The following ESR1 variants were observed in gnomAD, a reference collection of about 807,000 sequenced individuals.
ESR1 encodes estrogen receptor.
A neutral mutation model predicts 52.7 loss-of-function variants in ESR1; 12 were observed. The observed-to-expected ratio is 0.23, with a 90% confidence interval of 0.15 to 0.37. The LOEUF (loss-of-function observed/expected upper bound fraction) is 0.37. Ranked by LOEUF, ESR1 falls within the 10% of genes least tolerant of loss-of-function variation. The probability of loss-of-function intolerance (pLI) is 1.00; values close to 1 mark genes in which losing one functional copy is unlikely to be tolerated. For missense variants in ESR1, 584 were observed against 779.7 expected, an observed-to-expected ratio of 0.75 and a Z score of 2.99; for synonymous variants, 305 against 316.8, an observed-to-expected ratio of 0.96 and a Z score of 0.39.
At chr6:151,962,571 C>T in intron 4 of ESR1, among the ~76,000 whole-genome samples, 1 of 152,168 alleles carries the variant, frequency 6.6e-6, no homozygotes, top group East Asian at 1.9e-4. Context: ...CCTTACAAAC[C>T]ACAACCACAA....
At chr6:152,039,340 A>C (rs1055734967) in intron 5 of ESR1, among the ~76,000 whole-genome samples, 1 of 152,140 alleles carries the variant, frequency 6.6e-6, no homozygotes, top group Non-Finnish European at 1.5e-5. Context: ...TGTATTCCAC[A>C]CATGTTCTTC....
chr6:151,884,995 A>G (rs982641252), intron 3 of ESR1, among the ~76,000 whole-genome samples: 1 of 151,126 alleles, frequency 6.6e-6, no homozygotes, highest in African/African-American at 2.4e-5. Context: ...CTGTCTTTAC[A>G]TATGGTCCAT....
chr6:151,891,785 G>A lies in ESR1; in HGVS notation c.760+11014G>A, dbSNP rs141195994. Among the ~76,000 whole-genome samples, 52 of 152,224 alleles carry A rather than the reference G, an allele frequency of 3.4e-4. No homozygotes were observed. The East Asian group carries it at 7.5e-3, about 22-fold the overall frequency. ...AAACCAAAACTGTGACTTAGGAAAT[G>A]TTACGGTGGGCACAGGATATTACTC... is the stretch of plus-strand genomic sequence containing the variant. On this transcript the variant is annotated intron_variant, in intron 3 of 7. Transcript: ENST00000206249.
At chr6:152,105,851 A>T (rs2152512396), downstream of ESR1, among the ~76,000 whole-genome samples, 1 of 129,458 alleles carries the variant, frequency 7.7e-6, no homozygotes, top group African/African-American at 3.0e-5. Context: ...GCAGTGGCGC[A>T]ATCTCGGCTC....
chr6:151,944,532 T>G (rs983985732), intron 4 of ESR1, 24 bp downstream of exon 4: 1 of 1,598,068 alleles, frequency 6.3e-7, no homozygotes, highest in African/African-American at 1.3e-5. Context: ...GCGCAGCTTT[T>G]AAGAGTCAAT....
At chr6:151,708,202 T>C (rs1780326176) in intron 2 of ESR1, among the ~76,000 whole-genome samples, 1 of 152,170 alleles carries the variant, frequency 6.6e-6, no homozygotes, top group East Asian at 1.9e-4. Flanking sequence ...ACTCTGAATC[T>C]TGGTTTTGTC....
At chr6:151,723,970 C>T (rs745628184) in intron 2 of ESR1, among the ~76,000 whole-genome samples, 5 of 152,008 alleles carry the variant, frequency 3.3e-5, no homozygotes, top group Non-Finnish European at 7.4e-5. Flanking sequence ...GGCATAGGTA[C>T]AAGCAGATGG....
chr6:151,944,289 C>T lies in ESR1; in HGVS notation c.877C>T (p.Pro293Ser), dbSNP rs1310292512. ...AGDMRAANLW[P>S]SPLMIKRSKK... ...AGACATGAGAGCTGCCAACCTTTGG[C>T]CAAGCCCGCTCATGATCAAACGCTC... The change falls in exon 4 of 8, where the codon CCA becomes TCA. Residue 293 changes from proline to serine, a missense_variant. Coordinates refer to ENST00000206249, the MANE Select transcript of ESR1 (RefSeq NM_000125.4). 1.2e-6 allele frequency: 2 copies of T among 1,614,056 alleles called. No individual in the cohort carries two copies. The highest frequency in any genetic ancestry group is 2.7e-5 in the African/African-American group (2 of 74,924).
intron 3 of ESR1, among the ~76,000 whole-genome samples, chr6:151,893,440 T>C (rs1794990382): frequency 6.6e-6 from 1 of 152,048 alleles, no homozygotes; most frequent in African/African-American, 2.4e-5. Flanking sequence ...GTGAGGAACA[T>C]ACAGAATTAT....
At chr6:152,112,107 A>T (rs1291968515) in intron 6 of ESR1, among the ~76,000 whole-genome samples, 1 of 152,196 alleles carries the variant, frequency 6.6e-6, no homozygotes, top group African/African-American at 2.4e-5. Context: ...CAATGTTGGT[A>T]CCCACTGGTT....
chr6:151,950,493 G>A (rs1317241625), intron 4 of ESR1, among the ~76,000 whole-genome samples: 1 of 152,146 alleles, frequency 6.6e-6, no homozygotes, highest in Non-Finnish European at 1.5e-5. Context: ...GACCTTCTTT[G>A]GAAATAGTGC....
intron 5 of ESR1, among the ~76,000 whole-genome samples, chr6:152,050,170 A>G (rs532448587): frequency 4.6e-5 from 7 of 152,236 alleles, no homozygotes; most frequent in Admixed American, 3.9e-4. Context: ...TTTTCCTGCA[A>G]TCATACTTCC....
chr6:151,967,561 C>T (rs2038414240), intron 4 of ESR1, among the ~76,000 whole-genome samples: 1 of 152,168 alleles, frequency 6.6e-6, no homozygotes, highest in African/African-American at 2.4e-5. Flanking sequence ...ATATGTGCCA[C>T]ATTTTCTTTA....
intron 2 of ESR1, among the ~76,000 whole-genome samples, chr6:151,744,431 TC>T (rs1415633410): frequency 1.3e-5 from 2 of 152,242 alleles, no homozygotes; most frequent in Admixed American, 1.3e-4. Context: ...TGAAGTAGTA[TC>T]TTGTTATAGT....
intron 4 of ESR1, among the ~76,000 whole-genome samples, chr6:151,983,175 C>G (rs574887741): frequency 6.6e-6 from 1 of 152,126 alleles, no homozygotes; most frequent in East Asian, 1.9e-4. Flanking sequence ...CTATAATAGA[C>G]TCATGAACTG....
intron 7 of ESR1, among the ~76,000 whole-genome samples, chr6:152,097,479 C>T (rs2050711112): frequency 1.3e-5 from 2 of 151,870 alleles, no homozygotes; most frequent in African/African-American, 4.8e-5. Context: ...GTTGTGTTTT[C>T]ATGGCAAGTC....
At chr6:151,808,421 A>T in intron 1 of ESR1, 57 bp downstream of exon 1, 2 of 224,702 alleles carry the variant, frequency 8.9e-6, no homozygotes, top group Non-Finnish European at 1.6e-5. Context: ...GGAGGGAGGG[A>T]GGGAGGGAGG....
rs552871358 is a variant in ESR1 at position 152,055,467 on chromosome 6, C to T, written c.1236-5524C>T. 6.8e-4 allele frequency among the ~76,000 whole-genome samples: 103 copies of T among 152,278 alleles called. 1 individual carries two copies. Among genetic ancestry groups the T allele is most frequent in the African/African-American group, 2.3e-3 (95 of 41,548 alleles). On this transcript the variant is annotated intron_variant, in intron 5 of 7. Transcript: ENST00000206249. Reference sequence around the variant, plus strand: ...AAGGAAATACCCTTCTGCTGTCACCCTTTGCCATAAGACTGAGTTACTTTG... The same window carrying T: ...AAGGAAATACCCTTCTGCTGTCACCTTTTGCCATAAGACTGAGTTACTTTG...
At chr6:151,710,399 A>C (rs1008320035) in intron 2 of ESR1, among the ~76,000 whole-genome samples, 3 of 152,188 alleles carry the variant, frequency 2.0e-5, no homozygotes, top group Non-Finnish European at 4.4e-5. Context: ...AAAGTAAAAA[A>C]TATTTATCAC....
Sources: gnomAD v4.1 joint callset for allele counts (sites outside exome capture counted in the v4.1 genomes callset) on GRCh38, gnomAD v4.1.1 for gene constraint, MANE v1.5 for transcripts, NCBI Gene and HGNC (gene_info 2026-07-23, HGNC 2026-07-21) for gene names.